Variants in CENPC observed in about 807,000 individuals in gnomAD.
CENPC encodes the protein CENP-C 1.
CENPC carries 63 observed loss-of-function variants against 112.1 expected under a neutral mutation model. The observed-to-expected ratio is 0.56, with a 90% CI of 0.46 to 0.69. The LOEUF (loss-of-function observed/expected upper bound fraction) is 0.69, where lower values mean the gene tolerates loss of function less well. Among genes scored for constraint, CENPC ranks in the 30% least tolerant of loss-of-function variants. The pLI, the probability that CENPC is intolerant of heterozygous loss-of-function variation, is 0.00. For missense variants in CENPC, 1,000 were observed against 1,103.8 expected (o/e 0.91, Z 1.33); for synonymous variants, 333 against 367.6 (o/e 0.91, Z 1.08).
chr4:67,500,588 A>G (rs1214967264), intron 12 of CENPC, among the ~76,000 whole-genome samples: 2 of 152,224 alleles, frequency 1.3e-5, no homozygotes, highest in Non-Finnish European at 2.9e-5. Flanking sequence ...GAATCATGAC[A>G]AAAGCACACA....
At chr4:67,522,821 G>A (rs1212970836) in intron 5 of CENPC, among the ~76,000 whole-genome samples, 2 of 152,094 alleles carry the variant, frequency 1.3e-5, no homozygotes, top group African/African-American at 4.8e-5. Context: ...CCAACATGGT[G>A]AAACCCCATC....
intron 13 of CENPC, among the ~76,000 whole-genome samples, chr4:67,494,722 A>C (rs1368228093): frequency 6.6e-6 from 1 of 152,218 alleles, no homozygotes; most frequent in Non-Finnish European, 1.5e-5. Context: ...ATGGATTGTT[A>C]ATCTTTACAT....
chr4:67,490,560 C>T (rs1725212513), intron 16 of CENPC, among the ~76,000 whole-genome samples: 1 of 151,866 alleles, frequency 6.6e-6, no homozygotes, highest in African/African-American at 2.4e-5. Flanking sequence ...AAAGAATTCT[C>T]TATTTTTAAA....
At chr4:67,520,590 T>G (rs774366882) in intron 5 of CENPC, among the ~76,000 whole-genome samples, 20 of 152,246 alleles carry the variant, frequency 1.3e-4, no homozygotes, top group Admixed American at 3.9e-4. Flanking sequence ...AAAAGGCATC[T>G]TCTACCCACC....
At chr4:67,499,826 T>C (rs1353825786) in intron 12 of CENPC, among the ~76,000 whole-genome samples, 1 of 152,210 alleles carries the variant, frequency 6.6e-6, no homozygotes, top group African/African-American at 2.4e-5. Flanking sequence ...TTCTAGCTTT[T>C]GATTTAAAGT....
intron 14 of CENPC, 174 bp downstream of exon 14, chr4:67,493,710 G>T: frequency 2.0e-6 from 1 of 510,980 alleles, no homozygotes; most frequent in South Asian, 2.7e-5. Flanking sequence ...AGCTACCAAA[G>T]AGAAAATATC....
At chr4:67,491,969 G>A (rs1045198033) in intron 16 of CENPC, among the ~76,000 whole-genome samples, 5 of 152,038 alleles carry the variant, frequency 3.3e-5, no homozygotes, top group African/African-American at 9.7e-5. Flanking sequence ...GGACAAGTCC[G>A]GGGTGTTAAG....
At chr4:67,485,517 T>A (rs1290080972) in intron 17 of CENPC, among the ~76,000 whole-genome samples, 1 of 152,088 alleles carries the variant, frequency 6.6e-6, no homozygotes, top group Non-Finnish European at 1.5e-5. Context: ...GGGACGTAAT[T>A]AGGTCCTGAG....
intron 1 of CENPC, among the ~76,000 whole-genome samples, chr4:67,544,454 T>C (rs1225069862): frequency 1.3e-5 from 2 of 152,220 alleles, no homozygotes; most frequent in Non-Finnish European, 2.9e-5. Context: ...TGATTATATA[T>C]AATGTAAACA....
intron 3 of CENPC, among the ~76,000 whole-genome samples, chr4:67,540,390 T>C (rs191239309): frequency 6.6e-6 from 1 of 152,302 alleles, no homozygotes; most frequent in East Asian, 1.9e-4. Flanking sequence ...TTTTTCTGGC[T>C]AGATGCAGTG....
At chr4:67,475,779 T>A (rs1724788330) in intron 17 of CENPC, among the ~76,000 whole-genome samples, 1 of 152,150 alleles carries the variant, frequency 6.6e-6, no homozygotes, top group African/African-American at 2.4e-5. Flanking sequence ...TTTTTTGTAT[T>A]TTTAGTAGAG....
chr4:67,511,701 T>C (rs1419952689), intron 9 of CENPC, among the ~76,000 whole-genome samples: 1 of 152,068 alleles, frequency 6.6e-6, no homozygotes, highest in East Asian at 1.9e-4. Context: ...AGAGTACCTA[T>C]GTGACCACCC....
intron 5 of CENPC, among the ~76,000 whole-genome samples, chr4:67,521,150 C>T (rs1194144493): frequency 6.7e-6 from 1 of 149,368 alleles, no homozygotes; most frequent in Non-Finnish European, 1.5e-5. Context: ...ACATAAGTAA[C>T]CAAATCTCAG....
rs767652986 is a variant in CENPC, at chr4:67,509,053, A to C, written c.1665T>G (p.Asn555Lys). Residue 555 changes from asparagine (N) to lysine (K), a missense_variant, in exon 10 of 19, where the codon AAT becomes AAG. Coordinates refer to ENST00000273853, the MANE Select transcript of CENPC (RefSeq NM_001812.4). Reference sequence around the variant, plus strand: ...TTTTCTTAGTAGATTTTCGGCTACTATTGTGATGCATTGGTAATTCATTTC... The same window carrying C: ...TTTTCTTAGTAGATTTTCGGCTACTCTTGTGATGCATTGGTAATTCATTTC... ...SVRNELPMHH[N>K]SSRKSTKKTN... is the part of the protein sequence containing the mutation. 1.2e-6 allele frequency: 2 copies of C among 1,611,554 alleles called. No homozygotes were observed. Among genetic ancestry groups the C allele is most frequent in the Non-Finnish European group, 1.7e-6 (2 of 1,179,396 alleles).
chr4:67,544,405 T>C (rs922423977), intron 1 of CENPC, among the ~76,000 whole-genome samples: 2 of 152,208 alleles, frequency 1.3e-5, no homozygotes, highest in African/African-American at 2.4e-5. Context: ...TTTATTCCGC[T>C]TCTCTCCCCA....
rs534294536 is a variant in CENPC at position 67,523,333 on chromosome 4, G to A, written c.332-3831C>T. Among the ~76,000 whole-genome samples the A allele has an allele frequency of 7.2e-5, 11 of 152,094 alleles. No homozygotes were observed. In the East Asian group the frequency reaches 1.9e-3, roughly 27 times the overall value. ...CTCAAAAAAACAAAAAATGAATGAC[G>A]TCTGTAAGACTGAAGGCAAAAGAAA... On this transcript the variant is annotated intron_variant, in intron 5 of 18. Coordinates refer to ENST00000273853, the MANE Select transcript of CENPC (RefSeq NM_001812.4).
In CENPC at chr4:67,514,311, A is replaced by G; in HGVS notation, c.1207T>C (p.Tyr403His). Reference protein sequence around the residue: ...NNYRSTKYEMYSKNAEKPSRS... With the variant: ...NNYRSTKYEMHSKNAEKPSRS... Reference sequence around the variant, plus strand: ...GATGGTTTTTCTGCATTCTTGGAATACATTTCATATTTTGTAGATCTATAA... The same window carrying G: ...GATGGTTTTTCTGCATTCTTGGAATGCATTTCATATTTTGTAGATCTATAA... Residue 403 changes from tyrosine to histidine, a missense_variant, in exon 8 of 19, where the codon TAT (tyrosine) becomes CAT (histidine). Coordinates refer to ENST00000273853, the MANE Select transcript of CENPC (RefSeq NM_001812.4). 2 of 1,610,402 alleles carry G rather than the reference A, an allele frequency of 1.2e-6. No individual in the cohort carries two copies. Among genetic ancestry groups the G allele is most frequent in the Non-Finnish European group, 1.7e-6 (2 of 1,177,760 alleles).
At chr4:67,496,644 T>A (rs1047968868) in intron 12 of CENPC, among the ~76,000 whole-genome samples, 1 of 152,160 alleles carries the variant, frequency 6.6e-6, no homozygotes, top group Non-Finnish European at 1.5e-5. Flanking sequence ...TCATAACATC[T>A]AATTTCCCTG....
rs1726852784 is a variant in CENPC, at chr4:67,540,327, CTCAAAT to C, written c.137-399_137-394del. Among the ~76,000 whole-genome samples, 3 of 152,244 alleles carry C rather than the reference CTCAAAT, an allele frequency of 2.0e-5. No individual in the cohort carries two copies. In the South Asian group the frequency reaches 6.2e-4, roughly 32 times the overall value. ...AGATATGTAAATCACCAAAGATTAT[CTCAAAT>C]TCTCCAGCGATTCCAAGAATTCTAC... On this transcript the variant is annotated intron_variant, in intron 3 of 18. Transcript: ENST00000273853.
Sources: allele counts gnomAD v4.1 joint callset (sites outside exome capture counted in the v4.1 genomes callset), GRCh38; gene constraint gnomAD v4.1.1; transcripts MANE v1.5; gene names NCBI Gene and HGNC (gene_info 2026-07-23, HGNC 2026-07-21).